KHDRBS2: variants seen among roughly 807,000 people sequenced by gnomAD.
KHDRBS2 encodes the protein KH domain-containing, RNA-binding, signal transduction-associated protein 2.
A neutral mutation model predicts 44.3 loss-of-function variants in KHDRBS2; 26 were observed. That is an observed-to-expected ratio of 0.59 (90% confidence interval 0.43 to 0.81). The LOEUF (loss-of-function observed/expected upper bound fraction) is 0.81. Among genes scored for constraint, KHDRBS2 ranks in the 40% least tolerant of loss-of-function variants. KHDRBS2 has a pLI of 0.00. For synonymous variants in KHDRBS2, 194 were observed against 151.1 expected (o/e 1.28, Z -2.08); for missense variants, 476 against 433.1 (o/e 1.10, Z -0.88).
At chr6:61,625,061 G>T in the KHDRBS2 span, among the ~76,000 whole-genome samples, 1 of 152,070 alleles carries the variant, frequency 6.6e-6, no homozygotes, top group Non-Finnish European at 1.5e-5. Flanking sequence ...ACCGTAAGGG[G>T]AGAGAGGTAT....
chr6:62,139,891 G>A (rs1345447137), intron 2 of KHDRBS2, among the ~76,000 whole-genome samples: 1 of 116,374 alleles, frequency 8.6e-6, no homozygotes, highest in African/African-American at 3.2e-5. Context: ...CCCACTCCCC[G>A]CCCACCCGCC....
intron 4 of KHDRBS2, among the ~76,000 whole-genome samples, chr6:61,918,020 CA>C (rs1211476594): frequency 1.8e-4 from 27 of 151,870 alleles, no homozygotes; most frequent in Admixed American, 1.7e-3. Flanking sequence ...TGCATCTAAA[CA>C]GACCAAAGTC....
intron 6 of KHDRBS2, among the ~76,000 whole-genome samples, chr6:61,888,332 T>C (rs925470997): frequency 6.6e-6 from 1 of 152,104 alleles, no homozygotes; most frequent in African/African-American, 2.4e-5. Context: ...CTGAATGCCA[T>C]TTTCCCACCT....
chr6:62,278,135 T>C (rs1219118251), intron 1 of KHDRBS2, among the ~76,000 whole-genome samples: 1 of 152,210 alleles, frequency 6.6e-6, no homozygotes, highest in Non-Finnish European at 1.5e-5. Flanking sequence ...ATATTAAATA[T>C]TACACGGTTT....
chr6:61,717,813 T>C (rs1771698163), intron 7 of KHDRBS2, among the ~76,000 whole-genome samples: 1 of 152,084 alleles, frequency 6.6e-6, no homozygotes, highest in Non-Finnish European at 1.5e-5. Context: ...GTCAGAACTT[T>C]TTGCAAAGCA....
intron 6 of KHDRBS2, among the ~76,000 whole-genome samples, chr6:61,826,847 AT>A (rs1790950906): frequency 1.3e-5 from 2 of 152,046 alleles, no homozygotes; most frequent in South Asian, 4.1e-4. Context: ...GACTTTCATA[AT>A]TTTTTTAGTG....
intron 6 of KHDRBS2, among the ~76,000 whole-genome samples, chr6:61,818,194 G>T (rs1317704498): frequency 6.7e-6 from 1 of 149,226 alleles, no homozygotes; most frequent in Non-Finnish European, 1.5e-5. Context: ...AGGATATTTT[G>T]CTGCCTTCCT....
chr6:61,892,600 T>C (rs1342768732), intron 6 of KHDRBS2, among the ~76,000 whole-genome samples: 2 of 151,980 alleles, frequency 1.3e-5, no homozygotes, highest in Non-Finnish European at 2.9e-5. Flanking sequence ...TAATGCCACA[T>C]ATCTACAACT....
downstream of KHDRBS2, among the ~76,000 whole-genome samples, chr6:61,679,466 C>T (rs1188822429): frequency 6.6e-6 from 1 of 151,892 alleles, no homozygotes; most frequent in Non-Finnish European, 1.5e-5. Context: ...ATTACTGTTG[C>T]ATAGGCAAAA....
chr6:61,781,518 T>TC (rs1481604063), intron 6 of KHDRBS2, among the ~76,000 whole-genome samples: 2 of 152,132 alleles, frequency 1.3e-5, no homozygotes, highest in Non-Finnish European at 2.9e-5. Context: ...AACTAGCATT[T>TC]CCCCATTAGA....
intron 4 of KHDRBS2, among the ~76,000 whole-genome samples, chr6:61,943,073 G>T (rs1455723208): frequency 1.5e-5 from 2 of 137,588 alleles, no homozygotes; most frequent in Non-Finnish European, 3.2e-5. Context: ...AGGAAGGAAA[G>T]AAAAGAAAAA....
intron 7 of KHDRBS2, among the ~76,000 whole-genome samples, chr6:61,728,393 T>C (rs934479929): frequency 2.0e-5 from 3 of 152,106 alleles, no homozygotes; most frequent in Non-Finnish European, 4.4e-5. Flanking sequence ...GCATGGCACT[T>C]GTTTACCTAT....
At chr6:61,693,101 T>A (rs561639390) in intron 8 of KHDRBS2, among the ~76,000 whole-genome samples, 2 of 152,242 alleles carry the variant, frequency 1.3e-5, no homozygotes, top group East Asian at 1.9e-4. Context: ...AAATATTGTG[T>A]ACCATTGACT....
intron 7 of KHDRBS2, among the ~76,000 whole-genome samples, chr6:61,719,028 A>G (rs939620455): frequency 2.0e-5 from 3 of 152,172 alleles, no homozygotes; most frequent in African/African-American, 7.2e-5. Flanking sequence ...TCTAATCTAC[A>G]TCTGTATCTA....
chr6:62,121,925 C>A (rs77791640), intron 2 of KHDRBS2, among the ~76,000 whole-genome samples: 6 of 152,108 alleles, frequency 3.9e-5, no homozygotes, highest in African/African-American at 1.4e-4. Flanking sequence ...CCTTCTAAGG[C>A]GAAGGATAAG....
At chr6:62,137,126 G>A (rs1474942852) in intron 2 of KHDRBS2, among the ~76,000 whole-genome samples, 3 of 148,060 alleles carry the variant, frequency 2.0e-5, no homozygotes, top group Non-Finnish European at 4.4e-5. Flanking sequence ...TCAGCCTCCT[G>A]AGTAGCTGGG....
the KHDRBS2 span, among the ~76,000 whole-genome samples, chr6:61,594,879 A>G: frequency 6.6e-6 from 1 of 152,264 alleles, no homozygotes; most frequent in East Asian, 1.9e-4. Context: ...TACTTGACCA[A>G]AATAGGATCA....
chr6:61,816,905 C>G (rs1789046692), intron 6 of KHDRBS2: 2 of 455,224 alleles, frequency 4.4e-6, no homozygotes, highest in Non-Finnish European at 8.8e-6. Context: ...TATGCAGTAG[C>G]TAGAAGTTAG....
chr6:61,679,102 C>T (rs566236899), downstream of KHDRBS2, among the ~76,000 whole-genome samples: 1 of 151,828 alleles, frequency 6.6e-6, no homozygotes, highest in African/African-American at 2.4e-5. Flanking sequence ...CAGCAATATG[C>T]CTAAGCTGGT....
Sources: gnomAD v4.1 joint callset for allele counts (sites outside exome capture counted in the v4.1 genomes callset) on GRCh38, gnomAD v4.1.1 for gene constraint, MANE v1.5 for transcripts, NCBI Gene and HGNC (gene_info 2026-07-23, HGNC 2026-07-21) for gene names.